RAB3C: variants seen among roughly 807,000 people sequenced by gnomAD.
RAB3C encodes RAB3C, member RAS oncogene family, also known as ras-related protein Rab-3C.
In RAB3C, 17 loss-of-function variants were observed where a neutral mutation model predicts 26.4. The observed-to-expected ratio is 0.64, with a 90% confidence interval of 0.44 to 0.97. RAB3C has a LOEUF of 0.97. Among genes scored for constraint, RAB3C ranks in the 50% least tolerant of loss-of-function variants. RAB3C has a pLI of 0.00. For missense variants in RAB3C, 242 were observed against 281.9 expected (o/e 0.86, Z 1.01); for synonymous variants, 91 against 95.9 (o/e 0.95, Z 0.30).
chr5:58,630,757 A>G (rs1423592776), intron 2 of RAB3C, among the ~76,000 whole-genome samples: 1 of 152,226 alleles, frequency 6.6e-6, no homozygotes, highest in Non-Finnish European at 1.5e-5. Context: ...GAACCTTCAG[A>G]CCACATTTTC....
intron 3 of RAB3C, among the ~76,000 whole-genome samples, chr5:58,755,086 A>G (rs901081330): frequency 6.6e-6 from 1 of 152,200 alleles, no homozygotes; most frequent in Non-Finnish European, 1.5e-5. Context: ...CACTTATTCA[A>G]CAACTCCAAA....
At chr5:58,806,117 G>A (rs1342214014) in intron 3 of RAB3C, among the ~76,000 whole-genome samples, 1 of 152,144 alleles carries the variant, frequency 6.6e-6, no homozygotes, top group East Asian at 1.9e-4. Flanking sequence ...GAAGTGAAGG[G>A]TGCTGACATT....
intron 4 of RAB3C, among the ~76,000 whole-genome samples, chr5:58,846,143 T>G (rs1286891772): frequency 2.6e-5 from 4 of 152,198 alleles, no homozygotes; most frequent in Admixed American, 6.5e-5. Context: ...TGAATAATAT[T>G]CCATTGTTTA....
intron 2 of RAB3C, among the ~76,000 whole-genome samples, chr5:58,636,979 T>G (rs1384852075): frequency 6.6e-6 from 1 of 152,150 alleles, no homozygotes; most frequent in Non-Finnish European, 1.5e-5. Context: ...GAAAGAAACT[T>G]TTAATAATAG....
intron 3 of RAB3C, among the ~76,000 whole-genome samples, chr5:58,739,546 A>G (rs1474610230): frequency 6.6e-6 from 1 of 152,144 alleles, no homozygotes; most frequent in Non-Finnish European, 1.5e-5. Context: ...AAAGGAAACT[A>G]TTAAAAAAAA....
intron 3 of RAB3C, among the ~76,000 whole-genome samples, chr5:58,790,019 G>T (rs115641381): frequency 6.6e-6 from 1 of 152,294 alleles, no homozygotes; most frequent in Non-Finnish European, 1.5e-5. Flanking sequence ...CTCCCCAGGT[G>T]ATCCTAATAT....
At chr5:58,738,568 C>T (rs147493215) in intron 3 of RAB3C, among the ~76,000 whole-genome samples, 1 of 152,250 alleles carries the variant, frequency 6.6e-6, no homozygotes, top group East Asian at 1.9e-4. Flanking sequence ...CTCAACTGTA[C>T]TTTGGCCTCA....
At chr5:58,585,170 A>C (rs911034287) in intron 1 of RAB3C, among the ~76,000 whole-genome samples, 1 of 152,050 alleles carries the variant, frequency 6.6e-6, no homozygotes, top group African/African-American at 2.4e-5. Flanking sequence ...ATTTAATTAA[A>C]GCACATACAT....
At chr5:58,758,399 T>C (rs1741721810) in intron 3 of RAB3C, among the ~76,000 whole-genome samples, 3 of 152,224 alleles carry the variant, frequency 2.0e-5, no homozygotes, top group Admixed American at 2.0e-4. Flanking sequence ...GTGATACAAC[T>C]GTGGGCAAAA....
intron 3 of RAB3C, among the ~76,000 whole-genome samples, chr5:58,793,112 T>C (rs941083462): frequency 1.6e-4 from 25 of 152,196 alleles, no homozygotes; most frequent in African/African-American, 6.0e-4. Context: ...CAGAAAAATA[T>C]TTGGTTCACT....
chr5:58,750,219 G>A (rs1221555999), intron 3 of RAB3C, among the ~76,000 whole-genome samples: 1 of 151,988 alleles, frequency 6.6e-6, no homozygotes, highest in African/African-American at 2.4e-5. Context: ...GTTCACTTTG[G>A]CAAGGGACCA....
intron 3 of RAB3C, among the ~76,000 whole-genome samples, chr5:58,781,452 G>T (rs1198641946): frequency 2.0e-5 from 3 of 151,246 alleles, no homozygotes; most frequent in Non-Finnish European, 4.4e-5. Context: ...TATTTTCTTA[G>T]TTCTCCTAAG....
intron 1 of RAB3C, among the ~76,000 whole-genome samples, chr5:58,611,480 A>G (rs1388041411): frequency 6.6e-6 from 1 of 152,182 alleles, no homozygotes; most frequent in East Asian, 1.9e-4. Context: ...TGTAATGATC[A>G]GTGATGTTGA....
chr5:58,638,760 C>T (rs181384306), intron 2 of RAB3C, among the ~76,000 whole-genome samples: 30 of 152,334 alleles, frequency 2.0e-4, no homozygotes, highest in Non-Finnish European at 3.5e-4. Flanking sequence ...CTGTTAGAAG[C>T]TCTTGAAGCA....
At chr5:58,640,771 TAA>T (rs1353231343) in intron 2 of RAB3C, among the ~76,000 whole-genome samples, 1 of 152,208 alleles carries the variant, frequency 6.6e-6, no homozygotes, top group Non-Finnish European at 1.5e-5. Flanking sequence ...TGTAGGATGC[TAA>T]TCACACTTAA....
intron 2 of RAB3C, among the ~76,000 whole-genome samples, chr5:58,696,168 C>G (rs531553688): frequency 1.3e-5 from 2 of 152,162 alleles, no homozygotes; most frequent in African/African-American, 4.8e-5. Context: ...TCTTCTGCAT[C>G]TATTGAGATA....
At chr5:58,646,332 C>T (rs1422424666) in intron 2 of RAB3C, among the ~76,000 whole-genome samples, 1 of 151,766 alleles carries the variant, frequency 6.6e-6, no homozygotes, top group East Asian at 1.9e-4. Context: ...CCTTAATGCT[C>T]GGCACAGTGC....
At chr5:58,633,461 A>AT (rs1309969301) in intron 2 of RAB3C, among the ~76,000 whole-genome samples, 11 of 152,202 alleles carry the variant, frequency 7.2e-5, no homozygotes, top group Non-Finnish European at 1.6e-4. Context: ...TAACTTGTGT[A>AT]TTTGTGTGAT....
chr5:58,768,988 G>A lies in RAB3C; in HGVS notation c.371+42868G>A, dbSNP rs372220893. On this transcript the variant is annotated intron_variant, in intron 3 of 4. Coordinates refer to ENST00000282878, the MANE Select transcript of RAB3C (RefSeq NM_138453.4). ...TGAACCTACACAAGATGTGGTGATG[G>A]TAGCTGGCCCAAAGCAGCAGCCTTG... Among the ~76,000 whole-genome samples the A allele has an allele frequency of 3.4e-4, 52 of 152,316 alleles. No individual in the cohort carries two copies. In the South Asian group the frequency reaches 9.3e-3, roughly 27 times the overall value.
Sources: gnomAD v4.1 joint callset for allele counts (sites outside exome capture counted in the v4.1 genomes callset) on GRCh38, gnomAD v4.1.1 for gene constraint, MANE v1.5 for transcripts, NCBI Gene and HGNC (gene_info 2026-07-23, HGNC 2026-07-21) for gene names.